SVIL: variants seen among roughly 807,000 people sequenced by gnomAD.
SVIL encodes the protein supervillin, also known as archvillin.
SVIL carries 101 observed loss-of-function variants against 240.4 expected under a neutral mutation model. The observed-to-expected ratio is 0.42, with a 90% CI of 0.36 to 0.50. SVIL has a LOEUF of 0.50. SVIL is among the 20% of genes least tolerant of loss of function. SVIL has a pLI of 0.01. For missense variants in SVIL, 2,512 were observed against 2,818.7 expected, an observed-to-expected ratio of 0.89 and a Z score of 2.46; for synonymous variants, 999 against 1,100.0, an observed-to-expected ratio of 0.91 and a Z score of 1.82.
At chr10:29,460,900 G>C (rs759069947) in intron 36 of SVIL, among the ~76,000 whole-genome samples, 1 of 152,060 alleles carries the variant, frequency 6.6e-6, no homozygotes, top group Non-Finnish European at 1.5e-5. Context: ...GCAAGACCCT[G>C]TCTCAAAAAA....
intron 1 of SVIL, among the ~76,000 whole-genome samples, chr10:29,624,093 CT>C (rs1957771364): frequency 6.9e-6 from 1 of 145,714 alleles, no homozygotes; most frequent in Non-Finnish European, 1.5e-5. Flanking sequence ...TTGTTCTTCA[CT>C]TTTTGGGAGT....
In SVIL at chr10:29,551,080, T is replaced by C; in HGVS notation, c.344A>G (p.Gln115Arg). 1 of 1,614,216 alleles carries C rather than the reference T, an allele frequency of 6.2e-7. No individual in the cohort carries two copies. Among genetic ancestry groups the C allele is most frequent in the Non-Finnish European group, 8.5e-7 (1 of 1,180,042 alleles). The change falls in exon 6 of 38, where the codon CAG (glutamine) becomes CGG (arginine). Residue 115 changes from glutamine (Q) to arginine (R), a missense_variant. Physicochemically the swap from Gln to Arg is conservative, Grantham distance 43. Around this residue, in one of 3 missense-constraint regions of SVIL, gnomAD observed 1,443 missense variants for 1,486.6 expected, o/e 0.97. Coordinates refer to ENST00000355867, the MANE Select transcript of SVIL (RefSeq NM_021738.3). ...IARYKAERRR[Q>R]LAEKYGLTLD... is the part of the protein sequence containing the mutation. ...AGTCAGCCCATACTTCTCTGCCAGC[T>C]GTCGCCTTCTTTCTGCTTTGTACCT...
intron 1 of SVIL, among the ~76,000 whole-genome samples, chr10:29,611,359 T>G (rs945628069): frequency 6.6e-6 from 1 of 151,938 alleles, no homozygotes; most frequent in Non-Finnish European, 1.5e-5. Context: ...GATGCTGGTA[T>G]GGCCACAGCT....
At chr10:29,734,626 C>A (rs962244770) in intron 1 of SVIL, among the ~76,000 whole-genome samples, 1 of 152,136 alleles carries the variant, frequency 6.6e-6, no homozygotes. Flanking sequence ...CCCTTTCCTT[C>A]CAACAGAAGA....
intron 29 of SVIL, among the ~76,000 whole-genome samples, chr10:29,476,949 G>A (rs1428218226): frequency 3.3e-5 from 5 of 151,910 alleles, no homozygotes; most frequent in African/African-American, 9.7e-5. Context: ...TGCCACCTCC[G>A]CCTCCCGGGT....
chr10:29,734,452 A>C (rs1302292498), intron 1 of SVIL, among the ~76,000 whole-genome samples: 1 of 152,160 alleles, frequency 6.6e-6, no homozygotes, highest in African/African-American at 2.4e-5. Context: ...AACAGGGCAG[A>C]CTCTTGGATC....
intron 17 of SVIL, among the ~76,000 whole-genome samples, chr10:29,509,108 T>C (rs1949589459): frequency 1.3e-5 from 2 of 152,192 alleles, no homozygotes. Context: ...ACACAAGCCA[T>C]GCTCAAGTGC....
chr10:29,661,768 G>C (rs1382207757), intron 2 of SVIL, among the ~76,000 whole-genome samples: 1 of 152,166 alleles, frequency 6.6e-6, no homozygotes, highest in Non-Finnish European at 1.5e-5. Flanking sequence ...CACAGTGAAT[G>C]GATGTTTCTG....
At chr10:29,540,299 G>A (rs1331804390) in intron 6 of SVIL, among the ~76,000 whole-genome samples, 1 of 152,022 alleles carries the variant, frequency 6.6e-6, no homozygotes, top group East Asian at 1.9e-4. Context: ...CTCTCTCTTC[G>A]CTAGGATGTG....
chr10:29,725,408 A>G (rs1167777088), intron 1 of SVIL, among the ~76,000 whole-genome samples: 1 of 152,156 alleles, frequency 6.6e-6, no homozygotes, highest in African/African-American at 2.4e-5. Context: ...GAGCCTTGCA[A>G]TCCTTAAAAG....
intron 1 of SVIL, among the ~76,000 whole-genome samples, chr10:29,723,998 T>C (rs1351228009): frequency 1.3e-5 from 2 of 152,150 alleles, no homozygotes; most frequent in Admixed American, 1.3e-4. Flanking sequence ...AGACATTGTG[T>C]TTAGAGAGAC....
intron 1 of SVIL, among the ~76,000 whole-genome samples, chr10:29,726,076 C>T (rs1022623127): frequency 6.6e-6 from 1 of 152,202 alleles, no homozygotes; most frequent in Admixed American, 6.5e-5. Context: ...TGTGTGCCAC[C>T]ATGCATGACT....
Position 29,458,765 on chromosome 10 carries a change from G to C in SVIL, c.6403-176C>G, listed in dbSNP as rs1021284235. On this transcript the variant is annotated intron_variant, in intron 36 of 37. Coordinates refer to ENST00000355867, the MANE Select transcript of SVIL (RefSeq NM_021738.3). The stretch of plus-strand genomic sequence containing the variant: ...AAAAGGGATCGCCCAAAGCCCTGCA[G>C]TTGTCTGGACTTTTAATTTTTAAAA... The C allele has an allele frequency of 2.8e-5, 15 of 544,238 alleles. No individual in the cohort carries two copies. In the African/African-American group the frequency reaches 3.0e-4, roughly 11 times the overall value. 33.7% of individuals were successfully genotyped at this position (544,238 alleles called of 1,614,324 possible). A position where few individuals can be genotyped will look rare whatever the true frequency, so the allele number is the denominator to read the frequency against.
intron 6 of SVIL, among the ~76,000 whole-genome samples, chr10:29,544,266 C>T (rs1011633564): frequency 2.0e-5 from 3 of 152,050 alleles, no homozygotes; most frequent in African/African-American, 4.8e-5. Flanking sequence ...TTAAAATTAA[C>T]GGTTAATTTG....
intron 1 of SVIL, among the ~76,000 whole-genome samples, chr10:29,702,993 T>C (rs886763098): frequency 4.0e-5 from 6 of 151,226 alleles, no homozygotes; most frequent in African/African-American, 1.5e-4. Context: ...CACTTTGCTG[T>C]AAAAAAAAAG....
chr10:29,638,278 G>A (rs760305976), upstream of SVIL, among the ~76,000 whole-genome samples: 1 of 151,924 alleles, frequency 6.6e-6, no homozygotes, highest in Non-Finnish European at 1.5e-5. Flanking sequence ...CCTAGCCAAC[G>A]TGGTGAAACC....
chr10:29,517,694 T>G (rs558960567), intron 16 of SVIL, among the ~76,000 whole-genome samples: 42 of 152,244 alleles, frequency 2.8e-4, no homozygotes, highest in Non-Finnish European at 1.5e-5. Flanking sequence ...CATAGAGGCG[T>G]GAGGTGGATT....
intron 17 of SVIL, among the ~76,000 whole-genome samples, chr10:29,506,382 G>A (rs890266163): frequency 1.3e-5 from 2 of 152,084 alleles, no homozygotes; most frequent in African/African-American, 4.8e-5. Flanking sequence ...GAAGGAACCA[G>A]GAGAGTGAGG....
chr10:29,538,979 A>G (rs981722628), intron 6 of SVIL, among the ~76,000 whole-genome samples: 6 of 152,110 alleles, frequency 3.9e-5, no homozygotes, highest in Non-Finnish European at 8.8e-5. Context: ...CCTGAGCAAC[A>G]TAGCAAGACT....
Sources: gnomAD v4.1 joint callset for allele counts (sites outside exome capture counted in the v4.1 genomes callset) on GRCh38, gnomAD v4.1.1 for gene constraint, gnomAD v4.1.1 regional missense constraint, MANE v1.5 for transcripts, NCBI Gene and HGNC (gene_info 2026-07-23, HGNC 2026-07-21) for gene names.